FLRT2: variants seen among roughly 807,000 people sequenced by gnomAD.
FLRT2 encodes fibronectin leucine rich transmembrane protein 2, also known as leucine-rich repeat transmembrane protein FLRT2.
A neutral mutation model predicts 40.0 loss-of-function variants in FLRT2; 15 were observed. The ratio of observed to expected loss-of-function variants is 0.38; its 90% CI spans 0.25 to 0.58. The LOEUF is 0.58. Among genes scored for constraint, FLRT2 ranks in the 20% least tolerant of loss-of-function variants. The pLI is 0.71. For synonymous variants in FLRT2, 380 were observed against 336.8 expected (o/e 1.13, Z -1.41); for missense variants, 726 against 840.0 (o/e 0.86, Z 1.68).
Position 85,632,727 on chromosome 14 carries a change from A to G in FLRT2, c.*9230A>G, listed in dbSNP as rs974855772. 1 of 152,194 alleles carries G rather than the reference A, an allele frequency of 6.6e-6. No homozygotes were observed. The highest frequency in any genetic ancestry group is 1.5e-5 in the Non-Finnish European group (1 of 68,038). 9.4% of individuals were successfully genotyped at this position (152,194 alleles called of 1,614,324 possible). On this transcript the variant is annotated 3_prime_UTR_variant, in exon 2 of 2. Coordinates refer to ENST00000330753, the MANE Select transcript of FLRT2 (RefSeq NM_013231.6). ...ACATTGTGTTATCTTGGTTATTGCC[A>G]TGAGAATAGTCTTTCCTAGAAATGA... is the stretch of plus-strand genomic sequence containing the variant.
intron 1 of FLRT2, among the ~76,000 whole-genome samples, chr14:85,618,516 G>A (rs1950955): frequency 0.31 from 47,365 of 151,900 alleles, 8,407 homozygotes; most frequent in Non-Finnish European, 0.4. Flanking sequence ...TGTCCTACTA[G>A]GCATTAGTAC....
At chr14:85,570,806 C>T (rs1047516210) in intron 1 of FLRT2, among the ~76,000 whole-genome samples, 2 of 151,786 alleles carry the variant, frequency 1.3e-5, no homozygotes, top group Middle Eastern at 3.4e-3. Flanking sequence ...AGGATGTTCT[C>T]GAACTCCTGA....
rs1446456346 is a variant in FLRT2 at position 85,621,583 on chromosome 14, C to G, written c.69C>G (p.Ser23=). 6.2e-7 allele frequency: 1 copy of G among 1,613,992 alleles called. No individual in the cohort carries two copies. The highest frequency in any genetic ancestry group is 1.7e-5 in the Admixed American group (1 of 60,002). ...TCCTGAAGTCTTGGCTTATCATTTC[C>G]CTGGGGCTCTACTCACAGGTGTCCA... ...AFFLKSWLII[S]LGLYSQVSKL... The change falls in exon 2 of 2, where the codon TCC becomes TCG. Residue 23 remains serine (S), a synonymous_variant. Transcript: ENST00000330753.
At position 85,650,260 on chromosome 14, in the gene FLRT2, A is replaced by C. The variant is rs1012616698; in HGVS notation, c.*26763A>C. The C allele has an allele frequency of 1.1e-4, 16 of 152,004 alleles. No individual in the cohort carries two copies. The highest frequency in any genetic ancestry group is 1.9e-4 in the Non-Finnish European group (13 of 67,940). 9.4% of individuals were successfully genotyped at this position (152,004 alleles called of 1,614,324 possible). ...TTTGTGTTCAATATCCTGTTGTCGA[A>C]ACATTTCCATGTTCCTTTAATTCAT... On this transcript the variant is annotated 3_prime_UTR_variant, in exon 2 of 2. Coordinates refer to ENST00000330753, the MANE Select transcript of FLRT2 (RefSeq NM_013231.6).
chr14:85,646,323 C>T lies in FLRT2; in HGVS notation c.*22826C>T, dbSNP rs1032000550. 6.6e-6 allele frequency: 1 copy of T among 152,142 alleles called. No homozygotes were observed. Among genetic ancestry groups the T allele is most frequent in the African/African-American group, 2.4e-5 (1 of 41,426 alleles). The allele number at this position is 152,142 out of a possible 1,614,324, so 9.4% of individuals were successfully genotyped here. On this transcript the variant is annotated 3_prime_UTR_variant, in exon 2 of 2. Coordinates refer to ENST00000330753, the MANE Select transcript of FLRT2 (RefSeq NM_013231.6). Reference sequence around the variant, plus strand: ...TCTGAATTAGTGGCCAATACCTGGCCCTTTTTGTCTGTAGTTAAATGTGAT... The same window carrying T: ...TCTGAATTAGTGGCCAATACCTGGCTCTTTTTGTCTGTAGTTAAATGTGAT...
intron 1 of FLRT2, among the ~76,000 whole-genome samples, chr14:85,581,173 T>G (rs570018497): frequency 3.3e-5 from 5 of 152,320 alleles, no homozygotes; most frequent in African/African-American, 9.6e-5. Flanking sequence ...GGGATGGTAT[T>G]AAAACATTCT....
intron 1 of FLRT2, among the ~76,000 whole-genome samples, chr14:85,575,938 T>C (rs185484682): frequency 5.3e-4 from 81 of 152,328 alleles, no homozygotes; most frequent in African/African-American, 1.9e-3. Flanking sequence ...GGGAGGGGTA[T>C]AGCTTTTAAG....
chr14:85,550,981 C>T (rs1889588140), intron 1 of FLRT2, among the ~76,000 whole-genome samples: 1 of 152,098 alleles, frequency 6.6e-6, no homozygotes, highest in Admixed American at 6.6e-5. Context: ...CTATCCTCCT[C>T]CATGATTCTG....
At position 85,622,871 on chromosome 14, in the gene FLRT2, A is replaced by T. The variant is rs527616982; in HGVS notation, c.1357A>T (p.Thr453Ser). ...CTTCACCGTGATGGCATACAAACTC[A>T]CATGGGTGAAAATGGGCCACAGTTT... ...SLFTVMAYKL[T>S]WVKMGHSLVG... The change falls in exon 2 of 2, where the codon ACA (threonine) becomes TCA (serine). Residue 453 changes from threonine (T) to serine (S), a missense_variant. By Grantham distance (58) the Thr-to-Ser change is moderately conservative. Coordinates refer to ENST00000330753, the MANE Select transcript of FLRT2 (RefSeq NM_013231.6). 1 of 1,614,122 alleles carries T rather than the reference A, an allele frequency of 6.2e-7. No individual in the cohort carries two copies. Among genetic ancestry groups the T allele is most frequent in the Non-Finnish European group, 8.5e-7 (1 of 1,179,974 alleles).
At chr14:85,598,562 G>A (rs1023364137) in intron 1 of FLRT2, among the ~76,000 whole-genome samples, 2 of 152,186 alleles carry the variant, frequency 1.3e-5, no homozygotes, top group African/African-American at 2.4e-5. Flanking sequence ...CGTAGGGCTT[G>A]GCTTCTGATG....
intron 1 of FLRT2, among the ~76,000 whole-genome samples, chr14:85,569,667 C>G (rs1890801806): frequency 6.6e-6 from 1 of 152,184 alleles, no homozygotes; most frequent in South Asian, 2.1e-4. Context: ...TCCCCTAGCC[C>G]TTTGGTTATC....
chr14:85,649,619 T>A lies in FLRT2; in HGVS notation c.*26122T>A, dbSNP rs369980595. 3.9e-5 allele frequency: 6 copies of A among 152,092 alleles called. No individual in the cohort carries two copies. Among genetic ancestry groups the A allele is most frequent in the Admixed American group, 6.6e-5 (1 of 15,242 alleles). 9.4% of individuals were successfully genotyped at this position (152,092 alleles called of 1,614,324 possible). ...AACCAGAATGTTGTTTTGATCATAC[T>A]GGTTTTAGGCAAAGGATTTTAAGAT... On this transcript the variant is annotated 3_prime_UTR_variant, in exon 2 of 2. Coordinates refer to ENST00000330753, the MANE Select transcript of FLRT2 (RefSeq NM_013231.6).
At chr14:85,594,779 G>A (rs1016950962) in intron 1 of FLRT2, among the ~76,000 whole-genome samples, 1 of 152,056 alleles carries the variant, frequency 6.6e-6, no homozygotes, top group Non-Finnish European at 1.5e-5. Context: ...CTGCACAGTT[G>A]AAAAATCTGC....
At chr14:85,606,270 T>C (rs1241271947) in intron 1 of FLRT2, among the ~76,000 whole-genome samples, 1 of 152,160 alleles carries the variant, frequency 6.6e-6, no homozygotes, top group Admixed American at 6.5e-5. Flanking sequence ...GGCTGGTGTA[T>C]TTTGTTGAGG....
At chr14:85,544,452 T>C (rs1448627740) in intron 1 of FLRT2, among the ~76,000 whole-genome samples, 1 of 152,180 alleles carries the variant, frequency 6.6e-6, no homozygotes, top group Non-Finnish European at 1.5e-5. Context: ...AAAGCAAAGG[T>C]CTTGTGAAAT....
rs1243815084 is a variant in FLRT2 at position 85,642,720 on chromosome 14, T to G, written c.*19223T>G. ...TACTAGAGCCTGCATGCAATGAGCT[T>G]ACCCAACCAGCTCAGAGTGATTATA... On this transcript the variant is annotated 3_prime_UTR_variant, in exon 2 of 2. Coordinates refer to ENST00000330753, the MANE Select transcript of FLRT2 (RefSeq NM_013231.6). The G allele has an allele frequency of 1.3e-5, 2 of 152,174 alleles. No individual in the cohort carries two copies. The highest frequency in any genetic ancestry group is 2.9e-5 in the Non-Finnish European group (2 of 68,044). 9.4% of individuals were successfully genotyped at this position (152,174 alleles called of 1,614,324 possible).
intron 1 of FLRT2, among the ~76,000 whole-genome samples, chr14:85,560,203 A>G (rs1346575408): frequency 2.0e-5 from 3 of 152,152 alleles, no homozygotes; most frequent in Admixed American, 1.3e-4. Flanking sequence ...TTGTGTCTAT[A>G]GGTGAGAAGA....
At chr14:85,604,371 C>T (rs1426590879) in intron 1 of FLRT2, among the ~76,000 whole-genome samples, 2 of 152,000 alleles carry the variant, frequency 1.3e-5, no homozygotes. Flanking sequence ...TGGTAATCGC[C>T]AATGTGCTCA....
At chr14:85,613,761 G>A (rs1893002479) in intron 1 of FLRT2, among the ~76,000 whole-genome samples, 1 of 152,156 alleles carries the variant, frequency 6.6e-6, no homozygotes, top group Non-Finnish European at 1.5e-5. Flanking sequence ...GCAGGACAGA[G>A]GTTAGGAGCA....
Sources: gnomAD v4.1 joint callset for allele counts (sites outside exome capture counted in the v4.1 genomes callset) on GRCh38, gnomAD v4.1.1 for gene constraint, MANE v1.5 for transcripts, NCBI Gene and HGNC (gene_info 2026-07-23, HGNC 2026-07-21) for gene names.